Variants in FAM78B observed in about 807,000 individuals in gnomAD.
The protein encoded by FAM78B is protein FAM78B.
A neutral mutation model predicts 20.0 loss-of-function variants in FAM78B; 10 were observed. That is an observed-to-expected ratio of 0.50 (90% CI 0.31 to 0.85). The LOEUF is 0.85. Among genes scored for constraint, FAM78B ranks in the 40% least tolerant of loss-of-function variants. The pLI is 0.05. For missense variants in FAM78B, 283 were observed against 345.0 expected (o/e 0.82, Z 1.42); for synonymous variants, 135 against 132.8 (o/e 1.02, Z -0.12).
At chr1:166,095,316 G>C (rs1653236346) in intron 1 of FAM78B, among the ~76,000 whole-genome samples, 1 of 152,060 alleles carries the variant, frequency 6.6e-6, no homozygotes, top group Non-Finnish European at 1.5e-5. Context: ...CAGCAGAAGA[G>C]TGCAAAGCTA....
At chr1:166,129,827 T>A (rs1383824222) in intron 1 of FAM78B, among the ~76,000 whole-genome samples, 1 of 152,166 alleles carries the variant, frequency 6.6e-6, no homozygotes, top group African/African-American at 2.4e-5. Flanking sequence ...CTCCTTACTC[T>A]AATCCATTGC....
rs1401604895 is a variant in FAM78B at position 166,070,643 on chromosome 1, G to A, written c.384C>T (p.Thr128=). The A allele has an allele frequency of 1.2e-6, 2 of 1,613,730 alleles. No homozygotes were observed. Among genetic ancestry groups the A allele is most frequent in the African/African-American group, 1.3e-5 (1 of 75,036 alleles). Residue 128 remains threonine (T), a synonymous_variant, in exon 2 of 2, where the codon ACC becomes ACT. Transcript: ENST00000354422. The part of the protein sequence containing the change: ...TTETVTLVGP[T]NKISRFSVSM... ...TGACGGAGAACCTGGAGATCTTGTT[G>A]GTGGGGCCAACCAGGGTCACAGTTT... is the stretch of plus-strand genomic sequence containing the variant.
intron 1 of FAM78B, among the ~76,000 whole-genome samples, chr1:166,099,525 G>A (rs1334719535): frequency 6.6e-6 from 1 of 152,164 alleles, no homozygotes; most frequent in Non-Finnish European, 1.5e-5. Context: ...GCCTTCAGGA[G>A]ACTCACCTAG....
At chr1:166,139,762 G>T (rs1655209021) in intron 1 of FAM78B, among the ~76,000 whole-genome samples, 2 of 152,158 alleles carry the variant, frequency 1.3e-5, no homozygotes, top group Non-Finnish European at 2.9e-5. Context: ...CTGTGGACAC[G>T]ATCAACCAGG....
chr1:166,094,228 G>A (rs1360993184), intron 1 of FAM78B, among the ~76,000 whole-genome samples: 1 of 152,256 alleles, frequency 6.6e-6, no homozygotes, highest in East Asian at 1.9e-4. Context: ...ATGATGGCAA[G>A]CAAGGAGCAG....
At chr1:166,112,532 G>C (rs1654094248) in intron 1 of FAM78B, among the ~76,000 whole-genome samples, 2 of 152,158 alleles carry the variant, frequency 1.3e-5, no homozygotes, top group African/African-American at 4.8e-5. Flanking sequence ...TTGAAAAAAA[G>C]ATACTAATTC....
At chr1:166,152,891 T>C (rs1208801838) in intron 1 of FAM78B, among the ~76,000 whole-genome samples, 4 of 152,088 alleles carry the variant, frequency 2.6e-5, no homozygotes, top group Non-Finnish European at 5.9e-5. Context: ...TTGGCCAGGA[T>C]GGTCTCGATT....
chr1:166,136,425 G>A (rs1173493686), intron 1 of FAM78B, among the ~76,000 whole-genome samples: 3 of 152,048 alleles, frequency 2.0e-5, no homozygotes, highest in Non-Finnish European at 2.9e-5. Context: ...CCCCATGAGC[G>A]GATCAGTGAC....
intron 1 of FAM78B, 113 bp downstream of exon 1, chr1:166,165,873 G>T: frequency 7.7e-7 from 1 of 1,305,916 alleles, no homozygotes; most frequent in South Asian, 1.3e-5. Flanking sequence ...CGGGAGGAAG[G>T]TTTAGAAAGA....
At chr1:166,111,639 A>T (rs932796076) in intron 1 of FAM78B, among the ~76,000 whole-genome samples, 2 of 152,230 alleles carry the variant, frequency 1.3e-5, no homozygotes, top group African/African-American at 4.8e-5. Flanking sequence ...CCAAGGTCAA[A>T]GTCTACGTCT....
chr1:166,139,337 T>C (rs548515417), intron 1 of FAM78B, among the ~76,000 whole-genome samples: 87 of 152,314 alleles, frequency 5.7e-4, no homozygotes, highest in African/African-American at 1.9e-3. Flanking sequence ...CAAACCACTG[T>C]AGTTTTACAT....
intron 1 of FAM78B, among the ~76,000 whole-genome samples, chr1:166,147,549 GAC>G (rs1231981334): frequency 6.6e-6 from 1 of 152,214 alleles, no homozygotes; most frequent in Non-Finnish European, 1.5e-5. Flanking sequence ...CCCGTGCTCA[GAC>G]AGTTAATGTG....
chr1:166,152,653 T>C (rs1289863793), intron 1 of FAM78B, among the ~76,000 whole-genome samples: 3 of 146,392 alleles, frequency 2.0e-5, no homozygotes, highest in Non-Finnish European at 4.4e-5. Flanking sequence ...CTTGGTACTC[T>C]GGATTTATTT....
At chr1:166,109,529 G>A (rs147667000) in intron 1 of FAM78B, among the ~76,000 whole-genome samples, 30 of 151,672 alleles carry the variant, frequency 2.0e-4, no homozygotes, top group African/African-American at 7.3e-4. Context: ...GTGTGGATGC[G>A]GTGAACAGAG....
intron 1 of FAM78B, among the ~76,000 whole-genome samples, chr1:166,073,378 A>G (rs1652125495): frequency 6.6e-6 from 1 of 152,230 alleles, no homozygotes; most frequent in Admixed American, 6.5e-5. Flanking sequence ...GGAAACAGCC[A>G]AAATTCATTA....
rs935565061 is a variant in FAM78B at position 166,070,342 on chromosome 1, T to C, written c.685A>G (p.Ile229Val). The change falls in exon 2 of 2, where the codon ATC becomes GTC. Residue 229 changes from isoleucine to valine, a missense_variant. By Grantham distance (29) the Ile-to-Val change is conservative (BLOSUM62 3). Transcript: ENST00000354422. ...QPRILSRMEP[I>V]PPNALVKPNA... is the part of the protein sequence containing the mutation. ...GGTTTCACTAGTGCATTAGGGGGGATGGGTTCCATCCGGCTCAGGATCCGG... is the reference window on the plus strand; with the variant it reads ...GGTTTCACTAGTGCATTAGGGGGGACGGGTTCCATCCGGCTCAGGATCCGG... 1.4e-5 allele frequency: 23 copies of C among 1,611,426 alleles called. No individual in the cohort carries two copies. Among genetic ancestry groups the C allele is most frequent in the African/African-American group, 2.7e-5 (2 of 74,898 alleles).
At chr1:166,065,504 C>T (rs541460300), downstream of FAM78B, among the ~76,000 whole-genome samples, 46 of 152,254 alleles carry the variant, frequency 3.0e-4, 2 homozygotes, top group South Asian at 9.3e-3. Flanking sequence ...ACAGAGATGC[C>T]TCTTGTTCTA....
At chr1:166,112,867 A>G (rs1481230633) in intron 1 of FAM78B, among the ~76,000 whole-genome samples, 1 of 152,210 alleles carries the variant, frequency 6.6e-6, no homozygotes, top group African/African-American at 2.4e-5. Context: ...CCAGGTGCAG[A>G]GAGGTTATGT....
intron 1 of FAM78B, among the ~76,000 whole-genome samples, chr1:166,135,948 A>G (rs1308560847): frequency 6.6e-6 from 1 of 152,224 alleles, no homozygotes; most frequent in Non-Finnish European, 1.5e-5. Flanking sequence ...GGTTTTTGAC[A>G]TATTAACAAG....
Sources: allele counts gnomAD v4.1 joint callset (sites outside exome capture counted in the v4.1 genomes callset), GRCh38; gene constraint gnomAD v4.1.1; transcripts MANE v1.5; gene names NCBI Gene and HGNC (gene_info 2026-07-23, HGNC 2026-07-21).